SMG6: variants seen among roughly 807,000 people sequenced by gnomAD.
SMG6 encodes the protein SMG6 nonsense mediated mRNA decay factor, also known as telomerase-binding protein EST1A.
In SMG6, 66 loss-of-function variants were observed where a neutral mutation model predicts 142.2. That is an observed-to-expected ratio of 0.46 (90% CI 0.38 to 0.57). The LOEUF (loss-of-function observed/expected upper bound fraction) is 0.57, where lower values mean the gene tolerates loss of function less well. Among genes scored for constraint, SMG6 ranks in the 20% least tolerant of loss-of-function variants. SMG6 has a pLI of 0.00. For synonymous variants in SMG6, 779 were observed against 702.4 expected (o/e 1.11, Z -1.72); for missense variants, 1,793 against 1,832.0 (o/e 0.98, Z 0.39).
chr17:2,272,349 C>T (rs979057983), intron 8 of SMG6, among the ~76,000 whole-genome samples: 1 of 152,208 alleles, frequency 6.6e-6, no homozygotes, highest in Admixed American at 6.5e-5. Context: ...CAAACCATGC[C>T]TCTGCCAGGG....
intron 1 of SMG6, 74 bp downstream of exon 1, chr17:2,303,559 G>C (rs1008529939): frequency 2.2e-6 from 3 of 1,351,298 alleles, no homozygotes; most frequent in Admixed American, 8.0e-5. Context: ...GGGCCGAGCG[G>C]GGAGGAGGCA....
At chr17:2,167,358 T>C (rs1017013081) in intron 13 of SMG6, among the ~76,000 whole-genome samples, 2 of 151,952 alleles carry the variant, frequency 1.3e-5, no homozygotes, top group African/African-American at 4.8e-5. Flanking sequence ...CAGATTAAAG[T>C]GATGACAGAA....
chr17:2,255,562 G>C (rs975247935), intron 8 of SMG6, among the ~76,000 whole-genome samples: 2 of 152,136 alleles, frequency 1.3e-5, no homozygotes, highest in African/African-American at 4.8e-5. Flanking sequence ...CCGGGAGGGA[G>C]GTGGCGGGCG....
chr17:2,132,791 T>C (rs2070165219), intron 13 of SMG6, among the ~76,000 whole-genome samples: 1 of 152,172 alleles, frequency 6.6e-6, no homozygotes, highest in Non-Finnish European at 1.5e-5. Context: ...ACATTAAATA[T>C]ACTGCCTTTT....
rs1410476809 is a variant in SMG6, at chr17:2,303,675, G to T, written c.46C>A (p.Arg16Ser). ...ERVRISASEL[R>S]GILATLAPQA... ...GGGGCCAGAGTAGCCAGGATCCCGC[G>T]CAGCTCCGACGCGGAGATCCGCACA... Residue 16 changes from arginine (R) to serine (S), a missense_variant, in exon 1 of 19, where the codon CGC (arginine) becomes AGC (serine). By Grantham distance (110) the Arg-to-Ser change is moderately radical (BLOSUM62 -1). Around this residue, in one of 3 missense-constraint regions of SMG6, gnomAD observed 1,597 missense variants for 1,584.6 expected, o/e 1.01. Coordinates refer to ENST00000263073, the MANE Select transcript of SMG6 (RefSeq NM_017575.5). 6.7e-7 allele frequency: 1 copy of T among 1,495,588 alleles called. No individual in the cohort carries two copies. Among genetic ancestry groups the T allele is most frequent in the South Asian group, 1.2e-5 (1 of 80,020 alleles). The allele number at this position is 1,495,588 out of a possible 1,614,324, so 92.6% of individuals were successfully genotyped here. A position where few individuals can be genotyped will look rare whatever the true frequency, so the allele number is the denominator to read the frequency against.
intron 13 of SMG6, among the ~76,000 whole-genome samples, chr17:2,169,452 G>A: frequency 6.6e-6 from 1 of 152,190 alleles, no homozygotes; most frequent in African/African-American, 2.4e-5. Context: ...TGCCGTGGAT[G>A]GAGAATAATA....
At chr17:2,077,174 C>T (rs1334890210) in intron 15 of SMG6, among the ~76,000 whole-genome samples, 1 of 152,198 alleles carries the variant, frequency 6.6e-6, no homozygotes, top group Non-Finnish European at 1.5e-5. Flanking sequence ...AGTTCTGTGT[C>T]CCCCAGACAC....
At chr17:2,256,414 C>T (rs1365665413) in intron 8 of SMG6, among the ~76,000 whole-genome samples, 1 of 151,806 alleles carries the variant, frequency 6.6e-6, no homozygotes, top group African/African-American at 2.4e-5. Flanking sequence ...GTTCTAGTTC[C>T]AAGTAACTTA....
intron 15 of SMG6, among the ~76,000 whole-genome samples, chr17:2,072,187 A>C (rs1006160245): frequency 1.8e-4 from 28 of 151,966 alleles, no homozygotes; most frequent in African/African-American, 6.5e-4. Context: ...GGTGGGGGTG[A>C]GGGGGGTGCA....
chr17:2,274,065 T>G (rs1320009472), intron 8 of SMG6, among the ~76,000 whole-genome samples: 2 of 152,234 alleles, frequency 1.3e-5, no homozygotes, highest in African/African-American at 4.8e-5. Context: ...CCAAATTCAA[T>G]CCACCATCTG....
chr17:2,249,497 T>C (rs553586036), intron 8 of SMG6, among the ~76,000 whole-genome samples: 1 of 152,134 alleles, frequency 6.6e-6, no homozygotes, highest in African/African-American at 2.4e-5. Context: ...GGGTTCTCAC[T>C]TTGTTGCCCA....
At chr17:2,165,987 G>A (rs760482632) in intron 13 of SMG6, among the ~76,000 whole-genome samples, 10 of 152,104 alleles carry the variant, frequency 6.6e-5, no homozygotes, top group African/African-American at 1.2e-4. Context: ...CGAGGTGGGC[G>A]GATCACTTGA....
At chr17:2,238,547 C>A (rs1044325595) in intron 9 of SMG6, among the ~76,000 whole-genome samples, 2 of 152,194 alleles carry the variant, frequency 1.3e-5, no homozygotes, top group African/African-American at 4.8e-5. Flanking sequence ...TAGCACTTCT[C>A]GTTACGAGAA....
chr17:2,087,100 C>T (rs1372987031), intron 13 of SMG6: 3 of 1,290,488 alleles, frequency 2.3e-6, no homozygotes, highest in Non-Finnish European at 3.0e-6. Flanking sequence ...GATCATTTTA[C>T]AGGTGCAGGT....
chr17:2,192,943 G>C (rs1462292753), intron 10 of SMG6, among the ~76,000 whole-genome samples: 1 of 152,230 alleles, frequency 6.6e-6, no homozygotes, highest in African/African-American at 2.4e-5. Flanking sequence ...GAATGAGTCA[G>C]CAGAATCAGG....
chr17:2,210,775 A>T (rs2072829251), intron 10 of SMG6, among the ~76,000 whole-genome samples: 1 of 149,154 alleles, frequency 6.7e-6, no homozygotes, highest in South Asian at 2.1e-4. Context: ...AAAATAAAAT[A>T]AAAAAAAAAG....
At chr17:2,062,320 G>A (rs563203204) in intron 18 of SMG6, 1 of 152,402 alleles carries the variant, frequency 6.6e-6, no homozygotes, top group Non-Finnish European at 1.5e-5. Flanking sequence ...TCTCCGTCTT[G>A]TACCCCAGGG....
Position 2,075,222 on chromosome 17 carries a change from G to A in SMG6, c.3682-6291C>T, listed in dbSNP as rs543923664. Among the ~76,000 whole-genome samples the A allele has an allele frequency of 1.9e-4, 28 of 151,260 alleles. 1 individual carries two copies. Among genetic ancestry groups the A allele is most frequent in the Admixed American group, 1.4e-3 (21 of 15,188 alleles). On this transcript the variant is annotated intron_variant, in intron 15 of 18. Coordinates refer to ENST00000263073, the MANE Select transcript of SMG6 (RefSeq NM_017575.5). ...CATTGTTCCACAACAGCCCCCCCTA[G>A]CTGGGTGGCAGTATGAATGGACGGC...
Position 2,065,702 on chromosome 17 carries a change from G to T in SMG6, c.3836-23C>A, listed in dbSNP as rs777566943. The T allele has an allele frequency of 3.1e-6, 5 of 1,588,436 alleles. No individual in the cohort carries two copies. The Admixed American group carries it at 8.4e-5, about 27-fold the overall frequency. On this transcript the variant is annotated intron_variant, in intron 16 of 18. Transcript: ENST00000263073. ...TCACTGATGAGATAGAGCCCCACAA[G>T]GTATCAGCCTCAGCAATCAGCTTTC... is the stretch of plus-strand genomic sequence containing the variant.
Sources: gnomAD v4.1 joint callset for allele counts (sites outside exome capture counted in the v4.1 genomes callset) on GRCh38, gnomAD v4.1.1 for gene constraint, gnomAD v4.1.1 regional missense constraint, MANE v1.5 for transcripts, NCBI Gene and HGNC (gene_info 2026-07-23, HGNC 2026-07-21) for gene names.